EFCAB6: variants seen among roughly 807,000 people sequenced by gnomAD.
The protein encoded by EFCAB6 is EF-hand calcium-binding domain-containing protein 6.
Under a neutral mutation model 169.8 loss-of-function variants are expected in EFCAB6, and 156 were observed. The ratio of observed to expected loss-of-function variants is 0.92; its 90% confidence interval spans 0.81 to 1.05. The LOEUF (loss-of-function observed/expected upper bound fraction) is 1.05. Ranked by LOEUF, EFCAB6 falls within the 50% of genes least tolerant of loss-of-function variation. The pLI is 0.00. For synonymous variants in EFCAB6, 698 were observed against 676.4 expected (o/e 1.03, Z -0.50); for missense variants, 1,800 against 1,829.1 (o/e 0.98, Z 0.29).
chr22:43,810,383 T>C (rs17491829), intron 1 of EFCAB6, among the ~76,000 whole-genome samples: 6,453 of 152,186 alleles, frequency 0.042, 153 homozygotes, highest in Non-Finnish European at 0.052. Context: ...GTAAACAAAA[T>C]AGCAGTGAAA....
At chr22:43,755,361 T>C (rs1282262009) in intron 6 of EFCAB6, among the ~76,000 whole-genome samples, 1 of 152,254 alleles carries the variant, frequency 6.6e-6, no homozygotes, top group African/African-American at 2.4e-5. Flanking sequence ...TAAGTATATA[T>C]CACTTTGAGT....
At chr22:43,654,493 G>A (rs1460954104) in intron 17 of EFCAB6, among the ~76,000 whole-genome samples, 4 of 152,218 alleles carry the variant, frequency 2.6e-5, no homozygotes, top group Non-Finnish European at 4.4e-5. Flanking sequence ...GATGTGATGA[G>A]AAGGGCACCC....
intron 9 of EFCAB6, among the ~76,000 whole-genome samples, chr22:43,712,526 A>G (rs899287800): frequency 5.3e-5 from 8 of 152,256 alleles, no homozygotes; most frequent in African/African-American, 1.9e-4. Context: ...CTAAAGGGAA[A>G]TATCTTTAAT....
chr22:43,748,711 A>G (rs1261300844), intron 6 of EFCAB6, among the ~76,000 whole-genome samples: 1 of 152,214 alleles, frequency 6.6e-6, no homozygotes, highest in Non-Finnish European at 1.5e-5. Flanking sequence ...CTCCCACAGA[A>G]CACAGATCCC....
At chr22:43,617,589 T>G (rs182320366) in intron 20 of EFCAB6, among the ~76,000 whole-genome samples, 6 of 152,338 alleles carry the variant, frequency 3.9e-5, no homozygotes, top group Admixed American at 6.5e-5. Flanking sequence ...TTTCTGGTGG[T>G]TACTTAATTC....
chr22:43,638,000 G>A (rs1284020602), intron 17 of EFCAB6, among the ~76,000 whole-genome samples: 1 of 152,198 alleles, frequency 6.6e-6, no homozygotes, highest in Non-Finnish European at 1.5e-5. Flanking sequence ...GAGGTGCCAG[G>A]GAGATTCGTA....
chr22:43,554,668 C>G (rs2048590898), intron 27 of EFCAB6: 1 of 589,624 alleles, frequency 1.7e-6, no homozygotes, highest in Non-Finnish European at 3.0e-6. Context: ...GTATTTGTAC[C>G]CTGATGAAAA....
At chr22:43,613,321 T>C (rs2053457540) in intron 21 of EFCAB6, among the ~76,000 whole-genome samples, 1 of 151,976 alleles carries the variant, frequency 6.6e-6, no homozygotes, top group South Asian at 2.1e-4. Flanking sequence ...GTATGTTCAC[T>C]GCAGCACTAT....
intron 22 of EFCAB6, among the ~76,000 whole-genome samples, chr22:43,607,716 T>A (rs2053020160): frequency 6.6e-6 from 1 of 152,200 alleles, no homozygotes; most frequent in Non-Finnish European, 1.5e-5. Flanking sequence ...TATGAACTCA[T>A]GGTTTCATAA....
intron 23 of EFCAB6, among the ~76,000 whole-genome samples, chr22:43,594,848 A>G (rs1031333372): frequency 1.3e-5 from 2 of 152,230 alleles, no homozygotes; most frequent in African/African-American, 4.8e-5. Context: ...TCATCAGCAC[A>G]TGGATCATTC....
Position 43,782,339 on chromosome 22 carries a change from G to A in EFCAB6, c.-7-14C>T. 1.2e-6 allele frequency: 2 copies of A among 1,608,826 alleles called. No homozygotes were observed. Among genetic ancestry groups the A allele is most frequent in the Non-Finnish European group, 1.7e-6 (2 of 1,178,184 alleles). The stretch of plus-strand genomic sequence containing the variant: ...CACATTAAATCCCTGTGATATAAAA[G>A]AAAACAGATTACGTTACCTTAAAGA... On this transcript the variant is annotated splice_polypyrimidine_tract_variant and intron_variant, in intron 2 of 31. Transcript: ENST00000262726.
In EFCAB6 at chr22:43,744,074, T is replaced by A. The variant is rs1375462676; in HGVS notation, c.508-8081A>T. Among the ~76,000 whole-genome samples, 1 of 148,564 alleles carries A rather than the reference T, an allele frequency of 6.7e-6. No homozygotes were observed. The highest frequency in any genetic ancestry group is 2.5e-5 in the African/African-American group (1 of 40,062). On this transcript the variant is annotated intron_variant, in intron 6 of 31. Transcript: ENST00000262726. This position sits in a 1 kb window ranked among gnomAD's most constrained non-coding sequence, Gnocchi z 4.3. Reference sequence around the variant, plus strand: ...ATGGATGCATGGATGGATGAACGGATGAATGGATGAATGATGAATGAATGA... The same window carrying A: ...ATGGATGCATGGATGGATGAACGGAAGAATGGATGAATGATGAATGAATGA...
chr22:43,539,917 C>T (rs76423824), intron 28 of EFCAB6, among the ~76,000 whole-genome samples: 3,158 of 152,286 alleles, frequency 0.021, 112 homozygotes, highest in African/African-American at 0.072. Context: ...CCCACTCCTC[C>T]ACCGTTCCTA....
chr22:43,665,227 A>T (rs947141433), intron 17 of EFCAB6, among the ~76,000 whole-genome samples: 3 of 152,178 alleles, frequency 2.0e-5, no homozygotes, highest in Non-Finnish European at 4.4e-5. Context: ...GCTCTGGGAC[A>T]TGAACTCAGG....
chr22:43,728,951 G>C (rs1470834093), intron 8 of EFCAB6, among the ~76,000 whole-genome samples: 2 of 152,196 alleles, frequency 1.3e-5, no homozygotes, highest in Non-Finnish European at 2.9e-5. Flanking sequence ...CACTGCAATT[G>C]CATTTGGTGT....
In EFCAB6 at chr22:43,615,830, GA is replaced by G; in HGVS notation, c.2557del (p.Ser853LeufsTer5). On this transcript the variant is annotated frameshift_variant, in exon 21 of 32. Transcript: ENST00000262726. LOFTEE classifies it high-confidence loss of function. ...TKAKNRWSDLSKNFLETDNEG... is the reference protein window; with the variant it reads ...TKAKNRWSDLXKNFLETDNEG... ...AGGAAATAATCATTTTCTTACCTTA[GA>G]CAAGTCTGACCATCTGTTTTTTGCT... 1 of 1,611,986 alleles carries G rather than the reference GA, an allele frequency of 6.2e-7. No individual in the cohort carries two copies. Among genetic ancestry groups the G allele is most frequent in the Non-Finnish European group, 8.5e-7 (1 of 1,179,036 alleles).
At chr22:43,585,393 A>T (rs1290120895) in intron 24 of EFCAB6, among the ~76,000 whole-genome samples, 2 of 152,182 alleles carry the variant, frequency 1.3e-5, no homozygotes, top group Non-Finnish European at 2.9e-5. Flanking sequence ...AGCTTGAAGT[A>T]TATCAGTAGA....
intron 10 of EFCAB6, among the ~76,000 whole-genome samples, chr22:43,698,493 T>C (rs1207857080): frequency 6.6e-6 from 1 of 152,214 alleles, no homozygotes; most frequent in Non-Finnish European, 1.5e-5. Context: ...GCTCATTTGT[T>C]GAGTGAAGAA....
chr22:43,598,914 C>T (rs1399391414), intron 23 of EFCAB6, among the ~76,000 whole-genome samples: 1 of 152,180 alleles, frequency 6.6e-6, no homozygotes, highest in African/African-American at 2.4e-5. Flanking sequence ...ATCAAAATAT[C>T]ATACATACCC....
Sources: allele counts gnomAD v4.1 joint callset (sites outside exome capture counted in the v4.1 genomes callset), GRCh38; gene constraint gnomAD v4.1.1; non-coding constraint Gnocchi (gnomAD v3.1); transcripts MANE v1.5; gene names NCBI Gene and HGNC (gene_info 2026-07-23, HGNC 2026-07-21).